Variants in CCDC180 observed in about 807,000 individuals in gnomAD.
CCDC180 encodes coiled-coil domain containing 180.
CCDC180 carries 154 observed loss-of-function variants against 209.2 expected under a neutral mutation model. That is an observed-to-expected ratio of 0.74 (90% CI 0.65 to 0.84). The LOEUF (loss-of-function observed/expected upper bound fraction) is 0.84. CCDC180 is among the 40% of genes least tolerant of loss of function. The pLI is 0.00. For missense variants in CCDC180, 1,874 were observed against 1,997.3 expected, an observed-to-expected ratio of 0.94 and a Z score of 1.18; for synonymous variants, 778 against 749.1, an observed-to-expected ratio of 1.04 and a Z score of -0.63.
At chr9:97,359,938 G>A (rs768663191) in intron 25 of CCDC180, 44 bp from the exon 26 acceptor site, 14 of 1,608,748 alleles carry the variant, frequency 8.7e-6, no homozygotes, top group African/African-American at 1.3e-5. Flanking sequence ...CCACCCTCCT[G>A]CAGTCTGCTT....
chr9:97,365,129 T>C (rs1826881693), intron 29 of CCDC180: 1 of 152,484 alleles, frequency 6.6e-6, no homozygotes, highest in Admixed American at 6.5e-5. Context: ...AAATATTTGC[T>C]TGGTTAAAGT....
chr9:97,361,144 C>T (rs1009543981), intron 26 of CCDC180, among the ~76,000 whole-genome samples: 3 of 152,180 alleles, frequency 2.0e-5, no homozygotes, highest in African/African-American at 7.2e-5. Context: ...TAAGATGAGA[C>T]TCAGAATGAA....
chr9:97,330,086 AAAAGG>A, intron 16 of CCDC180, 63 bp from the exon 17 acceptor site: 1 of 1,227,124 alleles, frequency 8.1e-7, no homozygotes, highest in Non-Finnish European at 1.2e-6. Flanking sequence ...AAAAAAAAAA[AAAAGG>A]TGGGGGGCAC....
rs749003415 is a variant in CCDC180, at chr9:97,307,775, G to C, written c.-113G>C. On this transcript the variant is annotated 5_prime_UTR_variant, in exon 1 of 37. Transcript: ENST00000529487. ...TGCGCCATGCGCGGCGGGGAGAACC[G>C]GCCTCCTGCTCGAGTTCAGAGCTCA... The C allele has an allele frequency of 2.5e-6, 4 of 1,614,194 alleles. No homozygotes were observed. The highest frequency in any genetic ancestry group is 3.3e-5 in the Admixed American group (2 of 60,034).
intron 34 of CCDC180, 58 bp downstream of exon 34, chr9:97,371,764 G>T: frequency 9.0e-7 from 1 of 1,108,730 alleles, no homozygotes; most frequent in Non-Finnish European, 1.3e-6. Context: ...GGGCTAGGTT[G>T]GGCAGGGGTC....
At chr9:97,356,339 G>T (rs12554363) in intron 24 of CCDC180, among the ~76,000 whole-genome samples, 30,665 of 152,100 alleles carry the variant, frequency 0.2, 3,419 homozygotes, top group East Asian at 0.39. Context: ...GGCATCTCAC[G>T]CTCTGAGATA....
At chr9:97,334,452 T>C (rs1825842520) in intron 18 of CCDC180, among the ~76,000 whole-genome samples, 1 of 152,222 alleles carries the variant, frequency 6.6e-6, no homozygotes, top group African/African-American at 2.4e-5. Context: ...AACTTTTCTA[T>C]GCCAAAGCCA....
chr9:97,312,711 G>A (rs1457184360), intron 4 of CCDC180, among the ~76,000 whole-genome samples: 33 of 112,776 alleles, frequency 2.9e-4, no homozygotes, highest in Admixed American at 1.2e-4. Context: ...GTTAACCCAC[G>A]TGGCATCCGG....
At position 97,326,218 on chromosome 9, in the gene CCDC180, C is replaced by T. The variant is rs142414872; in HGVS notation, c.1546-336C>T. Among the ~76,000 whole-genome samples, 484 of 152,274 alleles carry T rather than the reference C, an allele frequency of 3.2e-3. 8 individuals are homozygous for T. Among genetic ancestry groups the T allele is most frequent in the Admixed American group, 0.029 (442 of 15,302 alleles). On this transcript the variant is annotated intron_variant, in intron 14 of 36. Coordinates refer to ENST00000529487, the MANE Select transcript of CCDC180 (RefSeq NM_020893.6). Reference sequence around the variant, plus strand: ...CAAACTCAGCTTCTGATTTCAAGCACGACTGGTGAGAAGAAGAGCGAGGAG... The same window carrying T: ...CAAACTCAGCTTCTGATTTCAAGCATGACTGGTGAGAAGAAGAGCGAGGAG...
chr9:97,314,981 G>A, intron 8 of CCDC180, 35 bp downstream of exon 8: 1 of 1,552,608 alleles, frequency 6.4e-7, no homozygotes, highest in Non-Finnish European at 8.9e-7. Flanking sequence ...TCAGCCCATG[G>A]GAGAAGGGGC....
chr9:97,328,930 G>T (rs1825645886), intron 16 of CCDC180, among the ~76,000 whole-genome samples: 1 of 152,302 alleles, frequency 6.6e-6, no homozygotes, highest in East Asian at 1.9e-4. Context: ...CACAATAAAT[G>T]CTCTCTGGGT....
chr9:97,356,157 G>A (rs1021668298), intron 24 of CCDC180, among the ~76,000 whole-genome samples: 2 of 152,150 alleles, frequency 1.3e-5, no homozygotes, highest in African/African-American at 2.4e-5. Flanking sequence ...GTGGAAGTGG[G>A]ATGGGAGGGA....
intron 25 of CCDC180, among the ~76,000 whole-genome samples, chr9:97,358,982 T>C (rs1651552540): frequency 6.6e-6 from 1 of 152,252 alleles, no homozygotes; most frequent in Non-Finnish European, 1.5e-5. Context: ...AAGCATAGTT[T>C]GCAGAATAAA....
intron 2 of CCDC180, among the ~76,000 whole-genome samples, chr9:97,309,026 C>G (rs535378195): frequency 8.5e-5 from 13 of 152,112 alleles, no homozygotes; most frequent in Non-Finnish European, 1.5e-5. Flanking sequence ...TAAGCATTTC[C>G]TCAGGTTATA....
At chr9:97,348,776 C>A (rs1826343135) in intron 20 of CCDC180, among the ~76,000 whole-genome samples, 1 of 152,200 alleles carries the variant, frequency 6.6e-6, no homozygotes, top group East Asian at 1.9e-4. Flanking sequence ...CTGTTACCCA[C>A]CAGACCCTCT....
chr9:97,314,603 A>G lies in CCDC180; in HGVS notation c.589-15A>G, dbSNP rs1208987174. On this transcript the variant is annotated splice_polypyrimidine_tract_variant and intron_variant, in intron 6 of 36. Coordinates refer to ENST00000529487, the MANE Select transcript of CCDC180 (RefSeq NM_020893.6). ...TCCCACCGGCTCCTAGCCTGACCCA[A>G]ACTTCTCTGCGTAGGCCCTGCTGGA... 5 of 1,613,782 alleles carry G rather than the reference A, an allele frequency of 3.1e-6. No homozygotes were observed. In the South Asian group the frequency reaches 3.3e-5, roughly 11 times the overall value.
In CCDC180 at chr9:97,343,329, T is replaced by G; in HGVS notation, c.2275-11T>G. On this transcript the variant is annotated splice_polypyrimidine_tract_variant and intron_variant, in intron 18 of 36. Transcript: ENST00000529487. Reference sequence around the variant, plus strand: ...GATATCAAGTCAACTTTAGTGTTATTGCCTGCTTAGGAAGAAGACAAGGAA... The same window carrying G: ...GATATCAAGTCAACTTTAGTGTTATGGCCTGCTTAGGAAGAAGACAAGGAA... 1.3e-6 allele frequency: 2 copies of G among 1,555,812 alleles called. No homozygotes were observed. Among genetic ancestry groups the G allele is most frequent in the South Asian group, 2.2e-5 (2 of 89,624 alleles).
At chr9:97,355,490 A>G (rs1171057669) in intron 24 of CCDC180, among the ~76,000 whole-genome samples, 1 of 152,174 alleles carries the variant, frequency 6.6e-6, no homozygotes, top group Non-Finnish European at 1.5e-5. Flanking sequence ...AGTGTTTACT[A>G]GTTATTGAGC....
intron 31 of CCDC180, among the ~76,000 whole-genome samples, chr9:97,367,563 T>G (rs1826962170): frequency 6.6e-6 from 1 of 151,926 alleles, no homozygotes; most frequent in Admixed American, 6.6e-5. Context: ...AACCTCTGTC[T>G]CCTGGGTTCA....
Sources: gnomAD v4.1 joint callset for allele counts (sites outside exome capture counted in the v4.1 genomes callset) on GRCh38, gnomAD v4.1.1 for gene constraint, MANE v1.5 for transcripts, NCBI Gene and HGNC (gene_info 2026-07-23, HGNC 2026-07-21) for gene names.